AS3MT: variants seen among roughly 807,000 people sequenced by gnomAD.
The protein encoded by AS3MT is arsenite methyltransferase.
AS3MT carries 47 observed loss-of-function variants against 45.3 expected under a neutral mutation model. That is an observed-to-expected ratio of 1.04 (90% CI 0.82 to 1.32). The LOEUF is 1.32. Among genes scored for constraint, AS3MT ranks in the 40% most tolerant of loss-of-function variants. The probability of loss-of-function intolerance (pLI) is 0.00; values close to 1 mark genes in which losing one functional copy is unlikely to be tolerated. For missense variants in AS3MT, 396 were observed against 451.1 expected, an observed-to-expected ratio of 0.88 and a Z score of 1.11; for synonymous variants, 141 against 152.8, an observed-to-expected ratio of 0.92 and a Z score of 0.57.
chr10:102,900,670 A>G lies in AS3MT; in HGVS notation c.1098A>G (p.Gly366=), dbSNP rs775202522. ...CCAGATGTGTCCCTGATGCTGCTGG[A>G]GGCTGCTGTGGCACAAAGAAAAGCT... is the stretch of plus-strand genomic sequence containing the variant. The part of the protein sequence containing the change: ...MKSRCVPDAA[G]GCCGTKKSC The change falls in exon 11 of 11, where the codon GGA becomes GGG. Residue 366 remains glycine, a synonymous_variant. Transcript: ENST00000369880. 10 of 1,614,148 alleles carry G rather than the reference A, an allele frequency of 6.2e-6. No individual in the cohort carries two copies. The highest frequency in any genetic ancestry group is 7.6e-6 in the Non-Finnish European group (9 of 1,179,992).
At chr10:102,870,587 A>G (rs946512708) in intron 3 of AS3MT, among the ~76,000 whole-genome samples, 8 of 152,212 alleles carry the variant, frequency 5.3e-5, no homozygotes, top group African/African-American at 1.9e-4. Context: ...AAGAACCTCC[A>G]GCGTGAACAC....
chr10:102,898,244 T>C (rs1411868603), intron 10 of AS3MT, among the ~76,000 whole-genome samples: 1 of 152,160 alleles, frequency 6.6e-6, no homozygotes, highest in African/African-American at 2.4e-5. Context: ...CTTCATCTTC[T>C]TTTTAATCCT....
intron 3 of AS3MT, among the ~76,000 whole-genome samples, chr10:102,870,589 C>G (rs1844662769): frequency 6.6e-6 from 1 of 152,142 alleles, no homozygotes; most frequent in Non-Finnish European, 1.5e-5. Context: ...GAACCTCCAG[C>G]GTGAACACTC....
At chr10:102,899,131 C>T (rs921996769) in intron 10 of AS3MT, among the ~76,000 whole-genome samples, 2 of 152,138 alleles carry the variant, frequency 1.3e-5, no homozygotes, top group East Asian at 1.9e-4. Context: ...CCCACCTCAG[C>T]CTCATAGTAG....
intron 10 of AS3MT, among the ~76,000 whole-genome samples, chr10:102,892,875 G>C (rs751241070): frequency 3.3e-5 from 5 of 151,912 alleles, no homozygotes; most frequent in Non-Finnish European, 7.4e-5. Context: ...AGCTACTTGG[G>C]AGGCTGAGGC....
chr10:102,895,587 G>T (rs1766746214), intron 10 of AS3MT, among the ~76,000 whole-genome samples: 1 of 152,060 alleles, frequency 6.6e-6, no homozygotes, highest in African/African-American at 2.4e-5. Flanking sequence ...AAATGCATTG[G>T]TCTCTTAAAT....
At chr10:102,894,948 G>C (rs1326294778) in intron 10 of AS3MT, among the ~76,000 whole-genome samples, 1 of 152,146 alleles carries the variant, frequency 6.6e-6, no homozygotes, top group Non-Finnish European at 1.5e-5. Context: ...TCTCTAAAAT[G>C]TATAAAACCA....
chr10:102,893,959 T>C (rs987549163), intron 10 of AS3MT, among the ~76,000 whole-genome samples: 2 of 152,036 alleles, frequency 1.3e-5, no homozygotes, highest in African/African-American at 4.8e-5. Context: ...AAATTCGCTA[T>C]GTGTCTTTTG....
chr10:102,876,165 C>A (rs1844781836), intron 6 of AS3MT, among the ~76,000 whole-genome samples: 1 of 151,880 alleles, frequency 6.6e-6, no homozygotes. Flanking sequence ...ATGTTAAGTT[C>A]CTGATCACTC....
At chr10:102,897,279 G>A (rs1423906697) in intron 10 of AS3MT, among the ~76,000 whole-genome samples, 16 of 151,560 alleles carry the variant, frequency 1.1e-4, no homozygotes, top group African/African-American at 2.7e-4. Flanking sequence ...AGCTACTCGG[G>A]AGGCTGAGGC....
intron 9 of AS3MT, among the ~76,000 whole-genome samples, chr10:102,880,817 A>G (rs186749675): frequency 1.3e-5 from 2 of 152,204 alleles, no homozygotes; most frequent in African/African-American, 4.8e-5. Flanking sequence ...TAGAAACACT[A>G]AAAAAAGGTG....
At chr10:102,900,266 G>A (rs942305165) in intron 10 of AS3MT, among the ~76,000 whole-genome samples, 8 of 152,178 alleles carry the variant, frequency 5.3e-5, no homozygotes, top group Non-Finnish European at 1.0e-4. Flanking sequence ...TAGCATTTCC[G>A]TATCTCAGTT....
chr10:102,895,720 G>A (rs1450050849), intron 10 of AS3MT, among the ~76,000 whole-genome samples: 1 of 151,074 alleles, frequency 6.6e-6, no homozygotes, highest in Non-Finnish European at 1.5e-5. Context: ...GGCAACAAGA[G>A]CACAACTCCA....
chr10:102,888,879 A>ATTTTTTTTT lies in AS3MT; in HGVS notation c.886-1664_886-1663insTTTTTTTTT, dbSNP rs1476114789. On this transcript the variant is annotated intron_variant, in intron 9 of 10. Transcript: ENST00000369880. ...TATATATATATATATATATATATATATATTTTTTTTTTTTTTTTTGAGACG... is the reference window on the plus strand; with the variant it reads ...TATATATATATATATATATATATATATTTTTTTTTTATTTTTTTTTTTTTTTTTGAGACG... Among the ~76,000 whole-genome samples the ATTTTTTTTT allele has an allele frequency of 4.5e-3, 204 of 45,184 alleles. 1 individual carries two copies. The highest frequency in any genetic ancestry group is 7.0e-3 in the Non-Finnish European group (157 of 22,438). The allele number at this position is 45,184 out of a possible 152,430, so 29.6% of individuals were successfully genotyped here. A position where few individuals can be genotyped will look rare whatever the true frequency, so the allele number is the denominator to read the frequency against.
chr10:102,874,622 T>G lies in AS3MT; in HGVS notation c.489T>G (p.Asp163Glu), dbSNP rs1416924116. The G allele has an allele frequency of 2.5e-6, 4 of 1,610,092 alleles. No homozygotes were observed. The highest frequency in any genetic ancestry group is 3.4e-6 in the Non-Finnish European group (4 of 1,177,632). Residue 163 changes from aspartate (D) to glutamate (E), a missense_variant, in exon 6 of 11, where the codon GAT becomes GAG. By Grantham distance (45) the Asp-to-Glu change is conservative. Transcript: ENST00000369880. ...ACTGTGTTATTAACCTTGTGCCTGA[T>G]AAACAACAAGTGCTTCAGGAGGCAT... Reference protein sequence around the residue: ...VSNCVINLVPDKQQVLQEAYR... With the variant: ...VSNCVINLVPEKQQVLQEAYR...
chr10:102,877,567 A>G (rs1039986707), intron 7 of AS3MT, among the ~76,000 whole-genome samples: 88 of 150,472 alleles, frequency 5.8e-4, no homozygotes, highest in Non-Finnish European at 1.1e-3. Context: ...GCCAAAAAAA[A>G]AAAAAAAAAA....
intron 9 of AS3MT, among the ~76,000 whole-genome samples, chr10:102,888,865 A>AT (rs1564794436): frequency 1.2e-5 from 1 of 83,542 alleles, no homozygotes; most frequent in Non-Finnish European, 2.4e-5. Context: ...ATATATATAT[A>AT]TATATATATA....
At chr10:102,885,032 A>G (rs984024894) in intron 9 of AS3MT, among the ~76,000 whole-genome samples, 1 of 152,116 alleles carries the variant, frequency 6.6e-6, no homozygotes, top group Non-Finnish European at 1.5e-5. Flanking sequence ...GAAATATACA[A>G]TAGATTATTG....
chr10:102,878,802 A>T (rs767199575), intron 8 of AS3MT, 47 bp from the exon 9 acceptor site: 3 of 1,592,718 alleles, frequency 1.9e-6, no homozygotes, highest in Admixed American at 3.6e-5. Context: ...GCAAGGCAAC[A>T]ACTGGGGGAG....
Sources: allele counts gnomAD v4.1 joint callset (sites outside exome capture counted in the v4.1 genomes callset), GRCh38; gene constraint gnomAD v4.1.1; transcripts MANE v1.5; gene names NCBI Gene and HGNC (gene_info 2026-07-23, HGNC 2026-07-21).